GRIA1: variants seen among roughly 807,000 people sequenced by gnomAD.
The protein encoded by GRIA1 is glutamate receptor 1.
A neutral mutation model predicts 99.2 loss-of-function variants in GRIA1; 31 were observed. The ratio of observed to expected loss-of-function variants is 0.31; its 90% CI spans 0.23 to 0.42. GRIA1 has a LOEUF of 0.42. GRIA1 is among the 10% of genes least tolerant of loss of function. The pLI, the probability that GRIA1 is intolerant of heterozygous loss-of-function variation, is 1.00. For missense variants in GRIA1, 782 were observed against 1,157.5 expected (o/e 0.68, Z 4.71); for synonymous variants, 438 against 432.4 (o/e 1.01, Z -0.16).
chr5:153,805,943 C>T (rs114484721), intron 15 of GRIA1, among the ~76,000 whole-genome samples: 2,616 of 152,298 alleles, frequency 0.017, 37 homozygotes, highest in African/African-American at 0.036. Flanking sequence ...AATAGAATTT[C>T]CCATCTTCCA....
chr5:153,652,579 C>T (rs115589542), intron 4 of GRIA1, among the ~76,000 whole-genome samples: 11,364 of 152,254 alleles, frequency 0.075, 561 homozygotes, highest in Non-Finnish European at 0.11. Flanking sequence ...TCTGCTTCTG[C>T]TATCTATAAT....
intron 6 of GRIA1, among the ~76,000 whole-genome samples, chr5:153,676,227 G>T (rs757879799): frequency 1.3e-5 from 2 of 152,126 alleles, no homozygotes; most frequent in Non-Finnish European, 2.9e-5. Context: ...CCATTCATTC[G>T]TTCTTCAATT....
rs1381962865 is a variant in GRIA1 at position 153,674,540 on chromosome 5, G to A, written c.740G>A (p.Gly247Asp). The change falls in exon 6 of 16, where the codon GGC becomes GAC. Residue 247 changes from glycine (G) to aspartate (D), a missense_variant. Physicochemically the swap from Gly to Asp is moderately conservative, Grantham distance 94. Around this residue, in one of 5 missense-constraint regions of GRIA1, gnomAD observed 461 missense variants for 521.7 expected, o/e 0.88. Coordinates refer to ENST00000285900, the MANE Select transcript of GRIA1 (RefSeq NM_000827.4). ...GACTTAAACAAATTCAAGGAGAGTG[G>A]CGCCAATGTGACAGGTTTCCAGCTG... The part of the protein sequence containing the change: ...DIDLNKFKES[G>D]ANVTGFQLVN... The A allele has an allele frequency of 1.2e-6, 2 of 1,614,096 alleles. No homozygotes were observed. The highest frequency in any genetic ancestry group is 1.7e-6 in the Non-Finnish European group (2 of 1,179,994).
At chr5:153,753,749 G>C (rs1762645796) in intron 11 of GRIA1, among the ~76,000 whole-genome samples, 1 of 150,978 alleles carries the variant, frequency 6.6e-6, no homozygotes, top group Non-Finnish European at 1.5e-5. Context: ...GAAAAGCCAT[G>C]CCAAGTTGCA....
intron 3 of GRIA1, among the ~76,000 whole-genome samples, chr5:153,649,633 A>T (rs1292392669): frequency 6.6e-6 from 1 of 151,316 alleles, no homozygotes; most frequent in Non-Finnish European, 1.5e-5. Context: ...AATTTTTGTA[A>T]TTTTTTTTAG....
intron 14 of GRIA1, among the ~76,000 whole-genome samples, chr5:153,800,711 C>T (rs143543069): frequency 1.4e-4 from 22 of 152,358 alleles, no homozygotes; most frequent in Non-Finnish European, 2.8e-4. Context: ...TTACCAGCTA[C>T]AGTCCCCAAG....
Position 153,674,497 on chromosome 5 carries a change from C to T in GRIA1, c.700-3C>T. 1 of 1,614,054 alleles carries T rather than the reference C, an allele frequency of 6.2e-7. No individual in the cohort carries two copies. The highest frequency in any genetic ancestry group is 8.5e-7 in the Non-Finnish European group (1 of 1,179,932). On this transcript the variant is annotated splice_polypyrimidine_tract_variant and splice_region_variant and intron_variant, in intron 5 of 15. Transcript: ENST00000285900. ...TAACTTCTCCCTCCTCCCCCTCTCA[C>T]AGGGCTTCATGGACATTGACTTAAA...
chr5:153,626,978 C>T (rs1376658013), intron 2 of GRIA1, among the ~76,000 whole-genome samples: 1 of 152,168 alleles, frequency 6.6e-6, no homozygotes, highest in Non-Finnish European at 1.5e-5. Flanking sequence ...AAAGCACCTT[C>T]GGTTCTGATA....
intron 12 of GRIA1, among the ~76,000 whole-genome samples, chr5:153,766,853 C>T (rs1180190917): frequency 6.6e-6 from 1 of 152,178 alleles, no homozygotes; most frequent in Non-Finnish European, 1.5e-5. Context: ...TTAATCACTA[C>T]GTCAGTTGAC....
chr5:153,726,762 A>G lies in GRIA1; in HGVS notation c.1823+20695A>G, dbSNP rs189153637. ...GCAATAATTAATAGCTTACCAACAA[A>G]AAGTCCAGGACCAGATGGATTCACA... is the stretch of plus-strand genomic sequence containing the variant. On this transcript the variant is annotated intron_variant, in intron 11 of 15. Transcript: ENST00000285900. 8.2e-3 allele frequency among the ~76,000 whole-genome samples: 1,249 copies of G among 152,344 alleles called. 7 individuals are homozygous for G. Among genetic ancestry groups the G allele is most frequent in the Middle Eastern group, 0.014 (4 of 294 alleles).
chr5:153,515,630 G>A (rs997568186), intron 2 of GRIA1, among the ~76,000 whole-genome samples: 2 of 152,110 alleles, frequency 1.3e-5, no homozygotes, highest in Non-Finnish European at 2.9e-5. Context: ...TCACCACAAA[G>A]AAATGACAAG....
chr5:153,695,655 T>C (rs969328847), intron 8 of GRIA1, among the ~76,000 whole-genome samples: 1 of 152,228 alleles, frequency 6.6e-6, no homozygotes, highest in African/African-American at 2.4e-5. Flanking sequence ...CCCCTTCCAG[T>C]TCTGACATTC....
chr5:153,732,925 CT>C lies in GRIA1; in HGVS notation c.1823+26872del, dbSNP rs1288005494. On this transcript the variant is annotated intron_variant, in intron 11 of 15. Transcript: ENST00000285900. ...GTAGTACAAAATAAGAGTTAAATTT[CT>C]TTTTTTTTTTTTTCTTTGCATGTGG... Among the ~76,000 whole-genome samples, 463 of 127,256 alleles carry C rather than the reference CT, an allele frequency of 3.6e-3. 4 individuals carry two copies. Among genetic ancestry groups the C allele is most frequent in the Middle Eastern group, 0.028 (6 of 214 alleles). 83.5% of individuals were successfully genotyped at this position (127,256 alleles called of 152,430 possible).
intron 3 of GRIA1, among the ~76,000 whole-genome samples, chr5:153,647,920 C>T (rs919402670): frequency 6.6e-6 from 1 of 152,128 alleles, no homozygotes; most frequent in South Asian, 2.1e-4. Context: ...TCCCTATTCC[C>T]CAATTCTGTG....
In GRIA1 at chr5:153,523,016, ATCTC is replaced by A. The variant is rs61177262; in HGVS notation, c.220+28978_220+28981del. Among the ~76,000 whole-genome samples, 921 of 141,656 alleles carry A rather than the reference ATCTC, an allele frequency of 6.5e-3. 10 individuals are homozygous for A. The highest frequency in any genetic ancestry group is 0.021 in the African/African-American group (810 of 37,726). 92.9% of individuals were successfully genotyped at this position (141,656 alleles called of 152,430 possible). A position where few individuals can be genotyped will look rare whatever the true frequency, so the allele number is the denominator to read the frequency against. ...TCCACCTGATTCTCTTGTTCCTGAT[ATCTC>A]TCTCTCTCTCTCTCTCTCTCTCTCT... On this transcript the variant is annotated intron_variant, in intron 2 of 15. Transcript: ENST00000285900.
intron 7 of GRIA1, among the ~76,000 whole-genome samples, chr5:153,680,730 A>G (rs1209704372): frequency 2.0e-5 from 3 of 152,218 alleles, no homozygotes; most frequent in Non-Finnish European, 4.4e-5. Flanking sequence ...AATGGAGTTT[A>G]AGACGCAGTC....
chr5:153,804,445 C>CA (rs994687512), intron 15 of GRIA1, among the ~76,000 whole-genome samples: 7 of 151,896 alleles, frequency 4.6e-5, no homozygotes, highest in African/African-American at 1.7e-4. Flanking sequence ...ACTCCGGTGG[C>CA]AAAAAAGGGG....
intron 2 of GRIA1, among the ~76,000 whole-genome samples, chr5:153,600,545 C>G (rs1764854628): frequency 6.6e-6 from 1 of 152,012 alleles, no homozygotes; most frequent in Admixed American, 6.5e-5. Flanking sequence ...AAAGGAGGCA[C>G]CTGAAATTTC....
intron 11 of GRIA1, among the ~76,000 whole-genome samples, chr5:153,709,229 G>C (rs191612114): frequency 6.6e-6 from 1 of 152,304 alleles, no homozygotes; most frequent in Admixed American, 6.5e-5. Context: ...TAGACACTCT[G>C]GGTGCTGCAG....
Sources: gnomAD v4.1 joint callset for allele counts (sites outside exome capture counted in the v4.1 genomes callset) on GRCh38, gnomAD v4.1.1 for gene constraint, gnomAD v4.1.1 regional missense constraint, MANE v1.5 for transcripts, NCBI Gene and HGNC (gene_info 2026-07-23, HGNC 2026-07-21) for gene names.